Variants in CLVS1 observed in about 807,000 individuals in gnomAD.
The protein encoded by CLVS1 is clavesin-1.
Under a neutral mutation model 33.1 loss-of-function variants are expected in CLVS1, and 10 were observed. That is an observed-to-expected ratio of 0.30 (90% CI 0.19 to 0.51). CLVS1 has a LOEUF of 0.51. Among genes scored for constraint, CLVS1 ranks in the 20% least tolerant of loss-of-function variants. CLVS1 has a pLI of 0.97. For missense variants in CLVS1, 343 were observed against 433.4 expected, an observed-to-expected ratio of 0.79 and a Z score of 1.85; for synonymous variants, 163 against 166.1, an observed-to-expected ratio of 0.98 and a Z score of 0.14.
intron 1 of CLVS1, among the ~76,000 whole-genome samples, chr8:61,092,701 C>T (rs1039274682): frequency 3.9e-5 from 6 of 152,200 alleles, no homozygotes; most frequent in African/African-American, 1.4e-4. Context: ...TCTGACTCCT[C>T]TTCTACATTT....
intron 2 of CLVS1, among the ~76,000 whole-genome samples, chr8:61,267,728 T>C (rs1198968550): frequency 2.0e-5 from 3 of 152,234 alleles, no homozygotes; most frequent in Non-Finnish European, 4.4e-5. Context: ...CTGAGGTACA[T>C]AGCTAATTTG....
At chr8:61,319,435 A>T (rs1811120407) in intron 2 of CLVS1, among the ~76,000 whole-genome samples, 1 of 152,198 alleles carries the variant, frequency 6.6e-6, no homozygotes, top group Non-Finnish European at 1.5e-5. Flanking sequence ...AAAGACAGGA[A>T]GGCAATGTTC....
At chr8:61,282,316 G>T (rs1809686360) in intron 2 of CLVS1, among the ~76,000 whole-genome samples, 1 of 152,208 alleles carries the variant, frequency 6.6e-6, no homozygotes. Context: ...GGATCATGAG[G>T]TAGAGGGAAG....
upstream of CLVS1, among the ~76,000 whole-genome samples, chr8:61,286,142 A>G (rs1563477245): frequency 6.6e-6 from 1 of 152,056 alleles, no homozygotes; most frequent in Non-Finnish European, 1.5e-5. Context: ...CTTTGTTCAC[A>G]GTGGGAATGG....
At chr8:61,413,289 A>G (rs1476045916) in intron 3 of CLVS1, among the ~76,000 whole-genome samples, 18 of 152,232 alleles carry the variant, frequency 1.2e-4, no homozygotes, top group Non-Finnish European at 2.2e-4. Context: ...ATTATATTCC[A>G]TTAGTATTGC....
chr8:60,968,663 C>G, the CLVS1 span, among the ~76,000 whole-genome samples: 6 of 151,744 alleles, frequency 4.0e-5, no homozygotes, highest in African/African-American at 1.5e-4. Context: ...CTGAGGTGGG[C>G]AGATCACTTG....
chr8:61,365,466 G>T (rs1813161636), intron 2 of CLVS1, among the ~76,000 whole-genome samples: 1 of 151,984 alleles, frequency 6.6e-6, no homozygotes, highest in Non-Finnish European at 1.5e-5. Context: ...GGCAGAGGTT[G>T]CAGTGAGTTG....
chr8:61,432,593 C>A (rs1238875737), intron 3 of CLVS1, among the ~76,000 whole-genome samples: 2 of 152,206 alleles, frequency 1.3e-5, no homozygotes, highest in Non-Finnish European at 2.9e-5. Flanking sequence ...TGGTCTTGAA[C>A]TTCCAGCCTC....
chr8:61,399,957 G>T lies in CLVS1; in HGVS notation c.630+23178G>T, dbSNP rs191102739. On this transcript the variant is annotated intron_variant, in intron 3 of 5. Coordinates refer to ENST00000325897, the MANE Select transcript of CLVS1 (RefSeq NM_173519.3). ...CTGCAGCCTTGCAGTATAGTTTGAA[G>T]TTGGGTGGCATGATGCCTCCAGCTT... 2.0e-5 allele frequency among the ~76,000 whole-genome samples: 3 copies of T among 152,308 alleles called. No individual in the cohort carries two copies. In the East Asian group the frequency reaches 5.8e-4, roughly 29 times the overall value.
intron 4 of CLVS1, among the ~76,000 whole-genome samples, chr8:61,456,427 A>T (rs77989048): frequency 0.074 from 11,244 of 152,260 alleles, 1,145 homozygotes; most frequent in African/African-American, 0.23. Flanking sequence ...ATTAAAATTC[A>T]GTCATACTCA....
chr8:61,045,520 C>T, the CLVS1 span, among the ~76,000 whole-genome samples: 1 of 152,158 alleles, frequency 6.6e-6, no homozygotes, highest in Non-Finnish European at 1.5e-5. Flanking sequence ...GGAAAAGCCT[C>T]CTAAAGAAGC....
the CLVS1 span, among the ~76,000 whole-genome samples, chr8:61,029,904 C>G: frequency 6.6e-6 from 1 of 152,168 alleles, no homozygotes. Context: ...CTACACGTTG[C>G]GTCAGGATCT....
At chr8:61,009,073 A>C in the CLVS1 span, among the ~76,000 whole-genome samples, 2 of 152,014 alleles carry the variant, frequency 1.3e-5, no homozygotes, top group African/African-American at 2.4e-5. Flanking sequence ...ATTTTATCTA[A>C]TTTATATGCA....
intron 2 of CLVS1, among the ~76,000 whole-genome samples, chr8:61,275,991 G>T (rs1809555228): frequency 6.6e-6 from 1 of 152,198 alleles, no homozygotes; most frequent in African/African-American, 2.4e-5. Flanking sequence ...GTGGTTAATT[G>T]AGAGTCACTG....
At chr8:61,251,464 T>C (rs1420428581) in intron 2 of CLVS1, among the ~76,000 whole-genome samples, 1 of 152,124 alleles carries the variant, frequency 6.6e-6, no homozygotes, top group Non-Finnish European at 1.5e-5. Context: ...TTTTCTATTG[T>C]TTGGAATAGT....
intron 3 of CLVS1, among the ~76,000 whole-genome samples, chr8:61,434,419 T>G (rs1816235843): frequency 6.6e-6 from 1 of 152,256 alleles, no homozygotes; most frequent in African/African-American, 2.4e-5. Flanking sequence ...AGATTTATTC[T>G]GAGCCAAATA....
At chr8:61,313,518 A>G (rs1433408530) in intron 2 of CLVS1, among the ~76,000 whole-genome samples, 1 of 152,238 alleles carries the variant, frequency 6.6e-6, no homozygotes, top group Non-Finnish European at 1.5e-5. Context: ...CATTTAGGAA[A>G]GAACACAGGA....
Position 61,367,512 on chromosome 8 carries a change from T to C in CLVS1, c.456-9093T>C, listed in dbSNP as rs981973886. On this transcript the variant is annotated intron_variant, in intron 2 of 5. Coordinates refer to ENST00000325897, the MANE Select transcript of CLVS1 (RefSeq NM_173519.3). ...CCCAATCATAAGTGATCTCTCCTTCTTGTAATTCCCAAGCACTTTGCAACC... is the reference window on the plus strand; with the variant it reads ...CCCAATCATAAGTGATCTCTCCTTCCTGTAATTCCCAAGCACTTTGCAACC... Among the ~76,000 whole-genome samples the C allele has an allele frequency of 3.9e-5, 6 of 152,240 alleles. No individual in the cohort carries two copies. In the East Asian group the frequency reaches 1.2e-3, roughly 29 times the overall value.
At chr8:61,469,441 GCTGAGAATGCCCGGATTAAATTCAAATTT>G (rs1817663438) in intron 5 of CLVS1, among the ~76,000 whole-genome samples, 1 of 152,158 alleles carries the variant, frequency 6.6e-6, no homozygotes, top group African/African-American at 2.4e-5. Flanking sequence ...TGGGTGGCAG[GCTGAGAATGCCCGGATTAAATTCAAATTT>G]CTGAGCCAGA....
Sources: allele counts gnomAD v4.1 joint callset (sites outside exome capture counted in the v4.1 genomes callset), GRCh38; gene constraint gnomAD v4.1.1; transcripts MANE v1.5; gene names NCBI Gene and HGNC (gene_info 2026-07-23, HGNC 2026-07-21).